F8: variants seen among roughly 807,000 people sequenced by gnomAD.
F8 encodes coagulation factor VIII, also known as antihemophilic factor.
A neutral mutation model predicts 140.6 loss-of-function variants in F8; 12 were observed. That is an observed-to-expected ratio of 0.09 (90% CI 0.05 to 0.14). The LOEUF is 0.14. Among genes scored for constraint, F8 ranks in the 10% least tolerant of loss-of-function variants. F8 has a pLI of 1.00. For missense variants in F8, 1,354 were observed against 1,720.7 expected, an observed-to-expected ratio of 0.79 and a Z score of 3.77; for synonymous variants, 585 against 614.6, an observed-to-expected ratio of 0.95 and a Z score of 0.71.
At chrX:154,976,114 C>T (rs1398578664) in intron 6 of F8, among the ~76,000 whole-genome samples, 2 of 111,715 alleles carry the variant, frequency 1.8e-5, no homozygotes, top group African/African-American at 6.5e-5. Context: ...AGGCTGGTCT[C>T]GAACTTCTGA....
In F8 at chrX:154,849,576, G is replaced by A. The variant is rs190945427; in HGVS notation, c.6900+10856C>T. Among the ~76,000 whole-genome samples the A allele has an allele frequency of 6.9e-4, 73 of 105,438 alleles. No homozygotes were observed. In the East Asian group the frequency reaches 0.018, roughly 26 times the overall value. The allele number at this position is 105,438 out of a possible 115,157, so 91.6% of individuals were successfully genotyped here. The stretch of plus-strand genomic sequence containing the variant: ...TAAGTAGCTGGGACTACAGGTGTGA[G>A]CCATCACACCCAGCTACTTTTGCTT... On this transcript the variant is annotated intron_variant, in intron 25 of 25. Transcript: ENST00000360256.
chrX:154,935,199 G>A lies in F8; in HGVS notation c.2114-3523C>T, dbSNP rs886657482. ...GGAACAACAAAAACGAATAAAAGAAGAGCAGTAATAAAAAAAATGTTGCCA... is the reference window on the plus strand; with the variant it reads ...GGAACAACAAAAACGAATAAAAGAAAAGCAGTAATAAAAAAAATGTTGCCA... On this transcript the variant is annotated intron_variant, in intron 13 of 25. Transcript: ENST00000360256. Among the ~76,000 whole-genome samples, 3 of 110,735 alleles carry A rather than the reference G, an allele frequency of 2.7e-5. 1 individual carries two copies. In the East Asian group the frequency reaches 8.4e-4, roughly 31 times the overall value.
At chrX:154,903,787 C>A in intron 18 of F8, 119 bp downstream of exon 18, 1 of 592,923 alleles carries the variant, frequency 1.7e-6, no homozygotes, top group Non-Finnish European at 2.8e-6. Flanking sequence ...AAAAGTATTA[C>A]TTAAGAGCAT....
At position 155,002,612 on chromosome X, in the gene F8, T is replaced by TACACACAC. The variant is rs368675926; in HGVS notation, c.144-3020_144-3013dup. Among the ~76,000 whole-genome samples, 518 of 98,619 alleles carry TACACACAC rather than the reference T, an allele frequency of 5.3e-3. 8 individuals carry two copies. The highest frequency in any genetic ancestry group is 0.018 in the African/African-American group (487 of 26,626). 85.6% of individuals were successfully genotyped at this position (98,619 alleles called of 115,157 possible). ...TGTACTTTTACCATTGGCATATATT[T>TACACACAC]ACACACACACACACACACACACACA... On this transcript the variant is annotated intron_variant, in intron 1 of 25. Transcript: ENST00000360256.
intron 4 of F8, among the ~76,000 whole-genome samples, chrX:154,991,103 C>G (rs1557284620): frequency 8.9e-6 from 1 of 112,329 alleles, no homozygotes; most frequent in Non-Finnish European, 1.9e-5. Context: ...TAAGTTTTTA[C>G]TCCGGCAGGT....
chrX:154,953,210 T>C (rs1448281494), intron 12 of F8, among the ~76,000 whole-genome samples: 1 of 112,136 alleles, frequency 8.9e-6, no homozygotes, highest in African/African-American at 3.2e-5. Context: ...ATTTATACCT[T>C]GCAGTCCTAA....
chrX:154,870,184 T>A (rs1261868406), intron 22 of F8, among the ~76,000 whole-genome samples: 2 of 112,140 alleles, frequency 1.8e-5, no homozygotes, highest in Non-Finnish European at 3.8e-5. Context: ...GAATCCTCCC[T>A]AACTCATTTT....
chrX:154,940,296 T>G (rs782781352), intron 13 of F8, among the ~76,000 whole-genome samples: 7 of 111,540 alleles, frequency 6.3e-5, no homozygotes, highest in African/African-American at 2.3e-4. Context: ...ACAACTAGAA[T>G]AACCAATGCA....
At chrX:154,907,236 A>T (rs1259139101) in intron 14 of F8, among the ~76,000 whole-genome samples, 1 of 112,430 alleles carries the variant, frequency 8.9e-6, no homozygotes, top group African/African-American at 3.2e-5. Flanking sequence ...AACATACTAC[A>T]TATATTCTTT....
At chrX:154,868,209 G>C (rs886515175) in intron 22 of F8, among the ~76,000 whole-genome samples, 2 of 111,820 alleles carry the variant, frequency 1.8e-5, no homozygotes, top group Non-Finnish European at 3.8e-5. Context: ...GGGACCTAGT[G>C]GGAGGTGATT....
intron 21 of F8, chrX:154,898,217 C>T (rs782410332): frequency 5.4e-5 from 6 of 111,696 alleles, no homozygotes; most frequent in African/African-American, 1.3e-4. Context: ...GGCCTTCTCA[C>T]GAGAATAGAT....
At chrX:154,976,311 T>C (rs1557282978) in intron 6 of F8, among the ~76,000 whole-genome samples, 1 of 112,174 alleles carries the variant, frequency 8.9e-6, no homozygotes, top group African/African-American at 3.2e-5. Flanking sequence ...TCCCTTCGCT[T>C]TCAGTCTATG....
chrX:154,974,102 G>A (rs782288738), intron 6 of F8, among the ~76,000 whole-genome samples: 6 of 111,846 alleles, frequency 5.4e-5, no homozygotes, highest in Admixed American at 3.8e-4. Flanking sequence ...ACAGGCATAA[G>A]CCATTGAGCC....
intron 14 of F8, chrX:154,919,136 T>C (rs2073115692): frequency 8.9e-6 from 1 of 111,839 alleles, no homozygotes; most frequent in African/African-American, 3.3e-5. Flanking sequence ...ATTTTCATGA[T>C]ACTTGTGTTA....
chrX:154,962,869 A>AAGAGAG (rs782347888), intron 9 of F8, among the ~76,000 whole-genome samples: 1 of 100,840 alleles, frequency 9.9e-6, no homozygotes, highest in Non-Finnish European at 2.0e-5. Flanking sequence ...ACCCTATCTC[A>AAGAGAG]AGAGAGAGAG....
chrX:154,868,913 AAC>A (rs1195404375), intron 22 of F8, among the ~76,000 whole-genome samples: 1 of 111,518 alleles, frequency 9.0e-6, no homozygotes. Context: ...TCTCTGATAA[AAC>A]AGACTTTAAA....
In F8 at chrX:154,837,874, T is replaced by C. The variant is rs1253989814; in HGVS notation, c.6901-122A>G. 5 of 692,238 alleles carry C rather than the reference T, an allele frequency of 7.2e-6. No individual in the cohort carries two copies. In the Admixed American group the frequency reaches 1.0e-4, roughly 15 times the overall value. 57.0% of individuals were successfully genotyped at this position (692,238 alleles called of 1,213,427 possible). A position where few individuals can be genotyped will look rare whatever the true frequency, so the allele number is the denominator to read the frequency against. On this transcript the variant is annotated intron_variant, in intron 25 of 25. Transcript: ENST00000360256. ...CCAGGATTAAACCCTGGAAGATGAC[T>C]AGATGACTCTGTCCTACGCATCTGG...
intron 1 of F8, among the ~76,000 whole-genome samples, chrX:155,009,255 A>C (rs912094541): frequency 1.8e-5 from 2 of 111,029 alleles, no homozygotes; most frequent in Non-Finnish European, 3.8e-5. Context: ...AAGCCTATGT[A>C]GTTTTCAGTC....
intron 5 of F8, among the ~76,000 whole-genome samples, chrX:154,985,735 A>T (rs2073555417): frequency 8.9e-6 from 1 of 112,438 alleles, no homozygotes. Context: ...CTAATTGTAG[A>T]CACTGATGAT....
Sources: allele counts gnomAD v4.1 joint callset (sites outside exome capture counted in the v4.1 genomes callset), GRCh38; gene constraint gnomAD v4.1.1; transcripts MANE v1.5; gene names NCBI Gene and HGNC (gene_info 2026-07-23, HGNC 2026-07-21).